Variants in CDK6 observed in about 807,000 individuals in gnomAD.
The protein encoded by CDK6 is cyclin-dependent kinase 6.
CDK6 carries 6 observed loss-of-function variants against 37.1 expected under a neutral mutation model. That is an observed-to-expected ratio of 0.16 (90% CI 0.09 to 0.32). CDK6 has a LOEUF of 0.32. CDK6 is among the 10% of genes least tolerant of loss of function. CDK6 has a pLI of 1.00. For missense variants in CDK6, 224 were observed against 418.9 expected (o/e 0.53, Z 4.06); for synonymous variants, 160 against 161.3 (o/e 0.99, Z 0.06).
rs1199127907 is a variant in CDK6 at position 92,724,042 on chromosome 7, C to T, written c.537+1584G>A. Among the ~76,000 whole-genome samples, 5 of 151,926 alleles carry T rather than the reference C, an allele frequency of 3.3e-5. No individual in the cohort carries two copies. In the South Asian group the frequency reaches 8.3e-4, roughly 25 times the overall value. On this transcript the variant is annotated intron_variant, in intron 4 of 7. Transcript: ENST00000424848. ...TACAGCTTATCCTTCCTTCAATTAACGTACCCAAGGAGACAAGTTCCTTCC... is the reference window on the plus strand; with the variant it reads ...TACAGCTTATCCTTCCTTCAATTAATGTACCCAAGGAGACAAGTTCCTTCC...
chr7:92,831,273 G>C (rs746648250), intron 2 of CDK6, among the ~76,000 whole-genome samples: 3 of 152,218 alleles, frequency 2.0e-5, no homozygotes, highest in Non-Finnish European at 4.4e-5. Flanking sequence ...GGCAGAAAGT[G>C]TGCCTCTGGT....
intron 5 of CDK6, among the ~76,000 whole-genome samples, chr7:92,632,018 C>G (rs1658740216): frequency 6.6e-6 from 1 of 152,054 alleles, no homozygotes; most frequent in South Asian, 2.1e-4. Flanking sequence ...AAATGTGGCT[C>G]TCAAAACTAC....
At chr7:92,780,058 A>C (rs1251437999) in intron 2 of CDK6, among the ~76,000 whole-genome samples, 1 of 152,118 alleles carries the variant, frequency 6.6e-6, no homozygotes, top group Non-Finnish European at 1.5e-5. Context: ...GGCTCACTGC[A>C]ACCTCCTGGG....
At chr7:92,779,483 C>T (rs1348862447) in intron 2 of CDK6, among the ~76,000 whole-genome samples, 1 of 152,154 alleles carries the variant, frequency 6.6e-6, no homozygotes, top group Non-Finnish European at 1.5e-5. Context: ...GAAGTGACTC[C>T]TCCAGGTTCA....
chr7:92,693,087 A>T (rs1474457895), intron 4 of CDK6, among the ~76,000 whole-genome samples: 1 of 152,172 alleles, frequency 6.6e-6, no homozygotes, highest in Non-Finnish European at 1.5e-5. Context: ...CAAACTATAA[A>T]CATAATCTGC....
chr7:92,826,956 A>T (rs774040979), intron 2 of CDK6, among the ~76,000 whole-genome samples: 2 of 152,174 alleles, frequency 1.3e-5, no homozygotes, highest in South Asian at 2.1e-4. Flanking sequence ...TAAAGTCACT[A>T]AACTGAAAAT....
At chr7:92,621,713 AG>A (rs1795808289) in intron 6 of CDK6, among the ~76,000 whole-genome samples, 1 of 152,198 alleles carries the variant, frequency 6.6e-6, no homozygotes, top group Non-Finnish European at 1.5e-5. Context: ...ATTCAGAAGC[AG>A]GGGTAACATG....
intron 5 of CDK6, among the ~76,000 whole-genome samples, chr7:92,658,853 G>A (rs1796769619): frequency 6.6e-6 from 1 of 152,176 alleles, no homozygotes; most frequent in Non-Finnish European, 1.5e-5. Flanking sequence ...GTCACGTGGA[G>A]TGAAAGATCA....
Position 92,825,909 on chromosome 7 carries a change from ATTATAC to A in CDK6, c.233+7176_233+7181del, listed in dbSNP as rs1256910307. Reference sequence around the variant, plus strand: ...GTTGCACAGTTAACTATAAGAATGAATTATACTTAAACTTTCATATAAACTATGTAG... The same window carrying A: ...GTTGCACAGTTAACTATAAGAATGAATTAAACTTTCATATAAACTATGTAG... On this transcript the variant is annotated intron_variant, in intron 2 of 7. Coordinates refer to ENST00000424848, the MANE Select transcript of CDK6 (RefSeq NM_001145306.2). 2.6e-4 allele frequency among the ~76,000 whole-genome samples: 40 copies of A among 152,278 alleles called. No individual in the cohort carries two copies. The South Asian group carries it at 7.2e-3, about 28-fold the overall frequency.
chr7:92,670,468 A>G (rs1319617867), intron 5 of CDK6, among the ~76,000 whole-genome samples: 3 of 152,248 alleles, frequency 2.0e-5, no homozygotes, highest in Admixed American at 6.5e-5. Flanking sequence ...CAATGGGAAT[A>G]TACTGTTTCC....
At position 92,833,249 on chromosome 7, in the gene CDK6, C is replaced by T. The variant is rs760563227; in HGVS notation, c.75G>A (p.Gly25=). 15 of 1,610,656 alleles carry T rather than the reference C, an allele frequency of 9.3e-6. No individual in the cohort carries two copies. In the South Asian group the frequency reaches 1.7e-4, roughly 18 times the overall value. ...TCAAGTCGCGGGCCTTGAACACCTTCCCATAGGCGCCCTCCCCGATCTCCG... is the reference window on the plus strand; with the variant it reads ...TCAAGTCGCGGGCCTTGAACACCTTTCCATAGGCGCCCTCCCCGATCTCCG... ...CVAEIGEGAY[G]KVFKARDLKN... The change falls in exon 2 of 8, where the codon GGG becomes GGA. Residue 25 remains glycine (G), a synonymous_variant. Coordinates refer to ENST00000424848, the MANE Select transcript of CDK6 (RefSeq NM_001145306.2). This position sits in a 1 kb window ranked among gnomAD's most constrained non-coding sequence, Gnocchi z 6.1.
chr7:92,640,598 T>G (rs1796282217), intron 5 of CDK6, among the ~76,000 whole-genome samples: 1 of 152,190 alleles, frequency 6.6e-6, no homozygotes, highest in South Asian at 2.1e-4. Context: ...GGAAAAGAAT[T>G]TGGATGACTA....
intron 2 of CDK6, among the ~76,000 whole-genome samples, chr7:92,807,673 CATAA>C (rs1229582739): frequency 6.6e-6 from 1 of 151,990 alleles, no homozygotes; most frequent in East Asian, 1.9e-4. Context: ...CCTTTCCCTC[CATAA>C]ATAAATTTAA....
At chr7:92,753,327 G>C (rs1799231276) in intron 3 of CDK6, among the ~76,000 whole-genome samples, 1 of 152,006 alleles carries the variant, frequency 6.6e-6, no homozygotes, top group African/African-American at 2.4e-5. Flanking sequence ...ATACTCATGA[G>C]GGCTCGCATT....
intron 4 of CDK6, among the ~76,000 whole-genome samples, chr7:92,677,175 A>G (rs145718806): frequency 2.1e-4 from 32 of 152,334 alleles, no homozygotes; most frequent in African/African-American, 7.2e-4. Context: ...ATTTTAAACT[A>G]TCAACATCTG....
At chr7:92,764,531 G>T (rs1799533208) in intron 3 of CDK6, among the ~76,000 whole-genome samples, 2 of 152,110 alleles carry the variant, frequency 1.3e-5, no homozygotes. Flanking sequence ...TTAAATATAT[G>T]AATCCATATT....
intron 5 of CDK6, among the ~76,000 whole-genome samples, chr7:92,650,368 A>G (rs1237010041): frequency 6.6e-6 from 1 of 152,186 alleles, no homozygotes; most frequent in African/African-American, 2.4e-5. Flanking sequence ...GACAACAGGC[A>G]TTCAGAACTG....
At chr7:92,663,231 T>G (rs1348104886) in intron 5 of CDK6, among the ~76,000 whole-genome samples, 3 of 152,064 alleles carry the variant, frequency 2.0e-5, no homozygotes, top group Non-Finnish European at 4.4e-5. Flanking sequence ...AAATCTGGTT[T>G]GTGGTAAAGA....
intron 4 of CDK6, chr7:92,710,867 C>T (rs1798072485): frequency 3.8e-5 from 37 of 985,160 alleles, no homozygotes; most frequent in Non-Finnish European, 4.3e-5. Context: ...AAAGTTACAG[C>T]CATGGACCTG....
Sources: allele counts gnomAD v4.1 joint callset (sites outside exome capture counted in the v4.1 genomes callset), GRCh38; gene constraint gnomAD v4.1.1; non-coding constraint Gnocchi (gnomAD v3.1); transcripts MANE v1.5; gene names NCBI Gene and HGNC (gene_info 2026-07-23, HGNC 2026-07-21).